CEP112: variants seen among roughly 807,000 people sequenced by gnomAD.
CEP112 encodes centrosomal protein of 112 kDa.
A neutral mutation model predicts 153.0 loss-of-function variants in CEP112; 127 were observed. The ratio of observed to expected loss-of-function variants is 0.83; its 90% confidence interval spans 0.72 to 0.96. The LOEUF (loss-of-function observed/expected upper bound fraction) is 0.96, where lower values mean the gene tolerates loss of function less well. Among genes scored for constraint, CEP112 ranks in the 40% least tolerant of loss-of-function variants. CEP112 has a pLI of 0.00. For missense variants in CEP112, 1,089 were observed against 1,101.2 expected (o/e 0.99, Z 0.16); for synonymous variants, 358 against 374.4 (o/e 0.96, Z 0.51).
chr17:66,028,074 T>A (rs1418940388), intron 15 of CEP112, among the ~76,000 whole-genome samples: 1 of 151,296 alleles, frequency 6.6e-6, no homozygotes, highest in African/African-American at 2.4e-5. Flanking sequence ...AATTTATTTT[T>A]AAAACTAATC....
At chr17:66,033,725 C>T (rs2065592018) in intron 12 of CEP112, among the ~76,000 whole-genome samples, 1 of 152,188 alleles carries the variant, frequency 6.6e-6, no homozygotes, top group South Asian at 2.1e-4. Context: ...TGGCCTCTTA[C>T]CCTTTCTTTT....
intron 8 of CEP112, among the ~76,000 whole-genome samples, chr17:66,078,252 C>CTTTTTT (rs1319736213): frequency 1.4e-5 from 2 of 138,142 alleles, no homozygotes; most frequent in Non-Finnish European, 1.6e-5. Context: ...TTTTTCTTTT[C>CTTTTTT]TTTTCTTTTT....
chr17:65,896,335 TTA>T (rs2059658200), intron 20 of CEP112, among the ~76,000 whole-genome samples: 2 of 152,084 alleles, frequency 1.3e-5, no homozygotes, highest in South Asian at 4.1e-4. Context: ...GTTAAATTGT[TTA>T]TAATAGTTTA....
intron 4 of CEP112, among the ~76,000 whole-genome samples, chr17:66,166,046 T>C (rs2071941120): frequency 1.3e-5 from 2 of 152,330 alleles, no homozygotes; most frequent in South Asian, 4.1e-4. Context: ...TATGAACACA[T>C]GTATTATTTA....
chr17:65,762,935 C>T (rs946644040), intron 21 of CEP112, among the ~76,000 whole-genome samples: 6 of 151,900 alleles, frequency 3.9e-5, no homozygotes, highest in Non-Finnish European at 8.8e-5. Context: ...AAGTTTCTTA[C>T]CTATATCATT....
intron 21 of CEP112, among the ~76,000 whole-genome samples, chr17:65,845,001 G>A (rs1398695773): frequency 6.8e-6 from 1 of 146,444 alleles, no homozygotes; most frequent in East Asian, 2.0e-4. Flanking sequence ...GACAGAACAA[G>A]ACTCTGTCTC....
chr17:65,912,230 C>T (rs899884842), intron 19 of CEP112, among the ~76,000 whole-genome samples: 2 of 152,124 alleles, frequency 1.3e-5, no homozygotes, highest in African/African-American at 4.8e-5. Flanking sequence ...ACCACAGATC[C>T]CTGCAGGGTA....
chr17:65,973,359 TAATAA>T (rs56352026), intron 17 of CEP112, among the ~76,000 whole-genome samples: 72,502 of 151,470 alleles, frequency 0.48, 18,271 homozygotes, highest in East Asian at 0.89. Context: ...AACATCTATC[TAATAA>T]AAGACTGGTA....
chr17:66,083,891 G>T (rs1374884826), intron 8 of CEP112, among the ~76,000 whole-genome samples: 1 of 151,960 alleles, frequency 6.6e-6, no homozygotes, highest in Non-Finnish European at 1.5e-5. Flanking sequence ...AACTAACATA[G>T]ATTACTATCA....
intron 19 of CEP112, among the ~76,000 whole-genome samples, chr17:65,920,358 ACAAAATATATATATATATAT>A (rs1177304378): frequency 1.6e-4 from 9 of 56,232 alleles, no homozygotes; most frequent in Non-Finnish European, 3.1e-4. Flanking sequence ...AAACAAACAA[ACAAAATATATATATATATAT>A]ATATATATAT....
chr17:65,784,625 C>G (rs931533643), intron 21 of CEP112, among the ~76,000 whole-genome samples: 1 of 152,026 alleles, frequency 6.6e-6, no homozygotes, highest in African/African-American at 2.4e-5. Context: ...GGACTATGGG[C>G]GCATGCCACC....
intron 20 of CEP112, among the ~76,000 whole-genome samples, chr17:65,886,642 G>C (rs1238263054): frequency 6.6e-6 from 1 of 152,144 alleles, no homozygotes; most frequent in Non-Finnish European, 1.5e-5. Flanking sequence ...TTCTTTAATA[G>C]TCTGTTTGCT....
intron 20 of CEP112, among the ~76,000 whole-genome samples, chr17:65,896,022 G>C (rs924884946): frequency 1.3e-5 from 2 of 151,914 alleles, no homozygotes; most frequent in African/African-American, 2.4e-5. Context: ...AATATAATGA[G>C]AACAAAAGAT....
chr17:65,811,685 T>G (rs529808721), intron 21 of CEP112, among the ~76,000 whole-genome samples: 1 of 152,326 alleles, frequency 6.6e-6, no homozygotes, highest in East Asian at 1.9e-4. Context: ...CACATACAAG[T>G]TATAGCCATG....
chr17:66,126,598 T>C (rs2069862378), intron 6 of CEP112, among the ~76,000 whole-genome samples: 1 of 151,982 alleles, frequency 6.6e-6, no homozygotes, highest in South Asian at 2.1e-4. Flanking sequence ...AGTTTAAATA[T>C]TAAGAAAAAA....
intron 23 of CEP112, among the ~76,000 whole-genome samples, chr17:65,716,933 C>T (rs1413581144): frequency 6.6e-6 from 1 of 152,178 alleles, no homozygotes; most frequent in Non-Finnish European, 1.5e-5. Context: ...GCTTTCCTGA[C>T]TACAGGTCTG....
At chr17:65,895,483 T>A (rs6504370) in intron 20 of CEP112, among the ~76,000 whole-genome samples, 62 of 152,078 alleles carry the variant, frequency 4.1e-4, no homozygotes, top group South Asian at 1.2e-3. Context: ...GAAGCAACAT[T>A]AAATATGGCA....
At chr17:65,778,670 T>C (rs2053828901) in intron 21 of CEP112, among the ~76,000 whole-genome samples, 1 of 152,166 alleles carries the variant, frequency 6.6e-6, no homozygotes, top group Non-Finnish European at 1.5e-5. Context: ...TGGCTATTTC[T>C]TTATCTCCAC....
At chr17:65,894,272 G>T (rs552039685) in intron 20 of CEP112, among the ~76,000 whole-genome samples, 26 of 152,166 alleles carry the variant, frequency 1.7e-4, no homozygotes, top group African/African-American at 6.3e-4. Context: ...TTTTAGAAAA[G>T]AATTCATCTT....
Sources: allele counts gnomAD v4.1 joint callset (sites outside exome capture counted in the v4.1 genomes callset), GRCh38; gene constraint gnomAD v4.1.1; transcripts MANE v1.5; gene names NCBI Gene and HGNC (gene_info 2026-07-23, HGNC 2026-07-21).